The following ANXA6 variants were observed in gnomAD, a reference collection of about 807,000 sequenced individuals.
ANXA6 encodes the protein annexin A6.
ANXA6 carries 71 observed loss-of-function variants against 95.4 expected under a neutral mutation model. The ratio of observed to expected loss-of-function variants is 0.74; its 90% CI spans 0.61 to 0.91. The LOEUF (loss-of-function observed/expected upper bound fraction) is 0.91, where lower values mean the gene tolerates loss of function less well. ANXA6 is among the 40% of genes least tolerant of loss of function. The pLI is 0.00. For synonymous variants in ANXA6, 289 were observed against 315.9 expected (o/e 0.91, Z 0.90); for missense variants, 830 against 876.4 (o/e 0.95, Z 0.67).
chr5:151,133,181 A>G lies in ANXA6; in HGVS notation c.553T>C (p.Tyr185His). 1 of 1,581,888 alleles carries G rather than the reference A, an allele frequency of 6.3e-7. No homozygotes were observed. The highest frequency in any genetic ancestry group is 8.6e-7 in the Non-Finnish European group (1 of 1,162,848). The change falls in exon 9 of 26, where the codon TAC (tyrosine) becomes CAC (histidine). Residue 185 changes from tyrosine to histidine, a missense_variant. Transcript: ENST00000354546. ...CCCCATTTCAGTTCCCCTGCCTCGT[A>G]TAGGTCCTGAAGGGGAAGAGGTGGC... ...DLVQQDVQDL[Y>H]EAGELKWGTD...
rs573631088 is a variant in ANXA6, at chr5:151,108,897, T to G, written c.1685-347A>C. ...CCCCAGCTCACTGAGGGACCTTGGG[T>G]GATCCCTCTCCTTCCTGGGCCTCCT... is the stretch of plus-strand genomic sequence containing the variant. On this transcript the variant is annotated intron_variant, in intron 22 of 25. Coordinates refer to ENST00000354546, the MANE Select transcript of ANXA6 (RefSeq NM_001155.5). Among the ~76,000 whole-genome samples the G allele has an allele frequency of 6.6e-5, 10 of 152,282 alleles. No individual in the cohort carries two copies. In the South Asian group the frequency reaches 2.1e-3, roughly 32 times the overall value.
chr5:151,101,330 A>AACCCCCC lies in ANXA6; in HGVS notation c.*117_*118insGGGGGGT. On this transcript the variant is annotated 3_prime_UTR_variant, in exon 26 of 26. Coordinates refer to ENST00000354546, the MANE Select transcript of ANXA6 (RefSeq NM_001155.5). ...CCACTGAAGATAAGAGCCCAACCCAACCCCTCCCCCCACCCCTGCCCCTTC... is the reference window on the plus strand; with the variant it reads ...CCACTGAAGATAAGAGCCCAACCCAAACCCCCCCCCCTCCCCCCACCCCTGCCCCTTC... The AACCCCCC allele has an allele frequency of 5.2e-6, 2 of 385,870 alleles. No homozygotes were observed. The highest frequency in any genetic ancestry group is 5.2e-6 in the Non-Finnish European group (1 of 190,630). The allele number at this position is 385,870 out of a possible 1,614,324, so 23.9% of individuals were successfully genotyped here.
intron 5 of ANXA6, 84 bp from the exon 6 acceptor site, chr5:151,137,405 C>T (rs574745270): frequency 9.2e-6 from 10 of 1,087,454 alleles, no homozygotes; most frequent in African/African-American, 3.1e-5. Flanking sequence ...GTGGCCAGAG[C>T]TATGACACCC....
intron 1 of ANXA6, among the ~76,000 whole-genome samples, chr5:151,156,415 G>A (rs1284198561): frequency 6.6e-6 from 1 of 152,228 alleles, no homozygotes; most frequent in Admixed American, 6.5e-5. Context: ...CTCAGGGCCT[G>A]CCTGCTAGGA....
intron 13 of ANXA6, 114 bp from the exon 14 acceptor site, chr5:151,126,594 A>G (rs1010903512): frequency 1.3e-6 from 1 of 762,914 alleles, no homozygotes; most frequent in African/African-American, 1.7e-5. Context: ...ACACACGTGC[A>G]CACACCACAC....
intron 23 of ANXA6, 131 bp downstream of exon 23, chr5:151,108,324 C>T (rs1196556579): frequency 3.7e-6 from 3 of 814,102 alleles, no homozygotes. Context: ...TTTGGCAGCA[C>T]CCCTGGAGGC....
chr5:151,108,352 A>G, intron 23 of ANXA6, 103 bp downstream of exon 23: 1 of 1,058,818 alleles, frequency 9.4e-7, no homozygotes, highest in Non-Finnish European at 1.5e-6. Context: ...GACAGTGTTT[A>G]CTTTCCAGTA....
intron 13 of ANXA6, 38 bp from the exon 14 acceptor site, chr5:151,126,518 T>C (rs1336200138): frequency 6.5e-7 from 1 of 1,534,112 alleles, no homozygotes; most frequent in East Asian, 2.4e-5. Context: ...CAGGAAGGAA[T>C]GTCATCATGG....
At chr5:151,117,232 A>C in intron 19 of ANXA6, 52 bp from the exon 20 acceptor site, 12 of 1,520,466 alleles carry the variant, frequency 7.9e-6, no homozygotes, top group East Asian at 2.4e-5. Flanking sequence ...ACCCATCTCC[A>C]TCTCTGTACC....
At chr5:151,117,662 A>T (rs914776180) in intron 19 of ANXA6, 96 bp downstream of exon 19, 2 of 1,045,852 alleles carry the variant, frequency 1.9e-6, no homozygotes, top group Non-Finnish European at 2.9e-6. Flanking sequence ...TCAGGAGTGC[A>T]CTTCTAACTC....
Position 151,117,852 on chromosome 5 carries a change from G to A in ANXA6, c.1439-15C>T, listed in dbSNP as rs1479143989. 1.2e-6 allele frequency: 2 copies of A among 1,608,908 alleles called. No homozygotes were observed. Among genetic ancestry groups the A allele is most frequent in the Non-Finnish European group, 1.7e-6 (2 of 1,175,780 alleles). ...CTTGTGATAGTCTGAGGCAGAGAAA[G>A]GGGGTGTGGGTAGCTGCTGGCCAAG... On this transcript the variant is annotated splice_polypyrimidine_tract_variant and intron_variant, in intron 18 of 25. Coordinates refer to ENST00000354546, the MANE Select transcript of ANXA6 (RefSeq NM_001155.5).
chr5:151,113,829 A>G (rs865943370), intron 20 of ANXA6, among the ~76,000 whole-genome samples: 1 of 152,262 alleles, frequency 6.6e-6, no homozygotes, highest in African/African-American at 2.4e-5. Flanking sequence ...TTGTACACAA[A>G]TGTTTAGAGC....
intron 7 of ANXA6, 78 bp from the exon 8 acceptor site, chr5:151,134,561 A>G: frequency 2.7e-6 from 4 of 1,490,136 alleles, no homozygotes; most frequent in Non-Finnish European, 3.7e-6. Context: ...TGGTGGAGAC[A>G]GGGAAAGCAG....
intron 18 of ANXA6, 92 bp from the exon 19 acceptor site, chr5:151,117,929 G>T: frequency 2.0e-6 from 2 of 1,008,648 alleles, no homozygotes; most frequent in Non-Finnish European, 3.1e-6. Context: ...TTGAGCCAGG[G>T]CAGTATTGGC....
At chr5:151,147,999 TCC>T (rs1766014054) in intron 1 of ANXA6, 73 bp from the exon 2 acceptor site, 4 of 1,436,458 alleles carry the variant, frequency 2.8e-6, no homozygotes, top group Non-Finnish European at 3.8e-6. Flanking sequence ...TTACATTTCC[TCC>T]CTCTGCTGTT....
intron 21 of ANXA6, among the ~76,000 whole-genome samples, chr5:151,110,394 A>G (rs1030230322): frequency 6.6e-6 from 1 of 152,238 alleles, no homozygotes; most frequent in Non-Finnish European, 1.5e-5. Flanking sequence ...GTCGATTTAA[A>G]GATCAGTATT....
chr5:151,126,572 C>A (rs1272132192), intron 13 of ANXA6, 92 bp from the exon 14 acceptor site: 59 of 834,828 alleles, frequency 7.1e-5, no homozygotes, highest in Non-Finnish European at 5.2e-5. Context: ...ACACACACAC[C>A]CCAACACATA....
rs1255229815 is a variant in ANXA6, at chr5:151,117,090, C to T, written c.1572+37G>A. 5.8e-6 allele frequency: 9 copies of T among 1,538,464 alleles called. No individual in the cohort carries two copies. In the Middle Eastern group the frequency reaches 1.0e-3, roughly 178 times the overall value. On this transcript the variant is annotated intron_variant, in intron 20 of 25. Transcript: ENST00000354546. ...AAGCTGGACCTACATCTCAGGGACACCCGGCAGAGGTGACTGGGGTGGGCT... is the reference window on the plus strand; with the variant it reads ...AAGCTGGACCTACATCTCAGGGACATCCGGCAGAGGTGACTGGGGTGGGCT...
At chr5:151,149,887 G>A (rs1169993385) in intron 1 of ANXA6, among the ~76,000 whole-genome samples, 8 of 152,178 alleles carry the variant, frequency 5.3e-5, no homozygotes, top group African/African-American at 1.9e-4. Flanking sequence ...GGGAGGCCAA[G>A]CGGCAAGGAC....
Sources: allele counts gnomAD v4.1 joint callset (sites outside exome capture counted in the v4.1 genomes callset), GRCh38; gene constraint gnomAD v4.1.1; transcripts MANE v1.5; gene names NCBI Gene and HGNC (gene_info 2026-07-23, HGNC 2026-07-21).